Variants in PRKD1 observed in about 807,000 individuals in gnomAD.
The protein encoded by PRKD1 is serine/threonine-protein kinase D1.
In PRKD1, 63 loss-of-function variants were observed where a neutral mutation model predicts 95.9. That is an observed-to-expected ratio of 0.66 (90% CI 0.54 to 0.81). The LOEUF (loss-of-function observed/expected upper bound fraction) is 0.81, where lower values mean the gene tolerates loss of function less well. PRKD1 is among the 30% of genes least tolerant of loss of function. The pLI is 0.00. For synonymous variants in PRKD1, 425 were observed against 423.1 expected (o/e 1.00, Z -0.05); for missense variants, 1,048 against 1,165.3 (o/e 0.90, Z 1.47).
At chr14:29,578,170 G>T in intron 17 of PRKD1, 105 bp downstream of exon 17, 1 of 866,402 alleles carries the variant, frequency 1.2e-6, no homozygotes, top group Non-Finnish European at 1.8e-6. Flanking sequence ...ATTGATATTA[G>T]AATAATCACA....
At chr14:29,923,711 A>G (rs1162405443) in intron 1 of PRKD1, among the ~76,000 whole-genome samples, 1 of 151,856 alleles carries the variant, frequency 6.6e-6, no homozygotes, top group Non-Finnish European at 1.5e-5. Flanking sequence ...TACATTTAAG[A>G]GTAAAATATC....
chr14:29,631,126 C>T (rs1879980173), intron 9 of PRKD1, 105 bp from the exon 10 acceptor site: 1 of 1,092,356 alleles, frequency 9.2e-7, no homozygotes, highest in African/African-American at 1.6e-5. Context: ...AAATAGCCAC[C>T]ATTTAAATAA....
At chr14:29,636,862 C>T (rs1880418628) in intron 6 of PRKD1, among the ~76,000 whole-genome samples, 1 of 152,122 alleles carries the variant, frequency 6.6e-6, no homozygotes, top group African/African-American at 2.4e-5. Flanking sequence ...TAAGTGAGAA[C>T]ATGTGGTATT....
intron 1 of PRKD1, among the ~76,000 whole-genome samples, chr14:29,891,879 ATAATC>A (rs1228470142): frequency 6.6e-6 from 1 of 152,188 alleles, no homozygotes; most frequent in Non-Finnish European, 1.5e-5. Flanking sequence ...ACACACCAAA[ATAATC>A]TAATCTAAAT....
At chr14:29,671,772 G>A (rs1170035223) in intron 2 of PRKD1, among the ~76,000 whole-genome samples, 1 of 152,102 alleles carries the variant, frequency 6.6e-6, no homozygotes, top group African/African-American at 2.4e-5. Flanking sequence ...CTAACAGAAT[G>A]TTGTTTGCTT....
At chr14:29,927,006 G>A (rs1895324052) in intron 1 of PRKD1, among the ~76,000 whole-genome samples, 1 of 152,056 alleles carries the variant, frequency 6.6e-6, no homozygotes, top group African/African-American at 2.4e-5. Flanking sequence ...GTGAGGAGGC[G>A]GCGGACTGGA....
intron 13 of PRKD1, among the ~76,000 whole-genome samples, chr14:29,621,586 C>A (rs540584417): frequency 6.6e-6 from 1 of 152,182 alleles, no homozygotes; most frequent in Non-Finnish European, 1.5e-5. Flanking sequence ...TTAAACCAAG[C>A]CTAGACATGA....
chr14:29,685,004 T>C (rs1256584738), intron 2 of PRKD1, among the ~76,000 whole-genome samples: 4 of 152,194 alleles, frequency 2.6e-5, no homozygotes, highest in African/African-American at 9.7e-5. Flanking sequence ...ACTATTATTA[T>C]TGTTTGTAGG....
rs550195408 is a variant in PRKD1, at chr14:29,816,752, T to C, written c.265-91078A>G. 1.3e-4 allele frequency among the ~76,000 whole-genome samples: 20 copies of C among 152,320 alleles called. No homozygotes were observed. In the East Asian group the frequency reaches 2.3e-3, roughly 18 times the overall value. On this transcript the variant is annotated intron_variant, in intron 1 of 17. Coordinates refer to ENST00000331968, the MANE Select transcript of PRKD1 (RefSeq NM_002742.3). ...TTATATTTCAATGGATTGTAAAAGC[T>C]GTCATCCAGGATATTGTGTCCTCAA...
chr14:29,606,992 C>A lies in PRKD1; in HGVS notation c.1906-7175G>T, dbSNP rs541974760. ...GTTATCTAAACTCTCTGAGGTGCTT[C>A]CAAATCTTATGTAAAATAGGATGAT... On this transcript the variant is annotated intron_variant, in intron 13 of 17. Coordinates refer to ENST00000331968, the MANE Select transcript of PRKD1 (RefSeq NM_002742.3). Among the ~76,000 whole-genome samples, 22 of 152,252 alleles carry A rather than the reference C, an allele frequency of 1.4e-4. 1 individual carries two copies. Among genetic ancestry groups the A allele is most frequent in the Admixed American group, 1.1e-3 (17 of 15,292 alleles).
chr14:29,706,624 A>C (rs2139342799), intron 2 of PRKD1, among the ~76,000 whole-genome samples: 1 of 151,520 alleles, frequency 6.6e-6, no homozygotes, highest in African/African-American at 2.4e-5. Context: ...ACCAGGGATA[A>C]TAATAACAAC....
In PRKD1 at chr14:29,719,162, T is replaced by A. The variant is rs550739080; in HGVS notation, c.403+6374A>T. 8.9e-4 allele frequency among the ~76,000 whole-genome samples: 135 copies of A among 152,280 alleles called. 1 individual carries two copies. The highest frequency in any genetic ancestry group is 2.7e-3 in the African/African-American group (112 of 41,574). The stretch of plus-strand genomic sequence containing the variant: ...GGAGTAAAACATGCTTATAAGGATT[T>A]CTTAAATATAGTGACCCTAAGACAC... On this transcript the variant is annotated intron_variant, in intron 2 of 17. Transcript: ENST00000331968.
intron 1 of PRKD1, among the ~76,000 whole-genome samples, chr14:29,846,433 A>C (rs1892080803): frequency 6.6e-6 from 1 of 152,184 alleles, no homozygotes. Flanking sequence ...ATCCAGGAGA[A>C]GGCCACTCCA....
chr14:29,805,075 T>C (rs573832966), intron 1 of PRKD1, among the ~76,000 whole-genome samples: 1 of 152,354 alleles, frequency 6.6e-6, no homozygotes, highest in South Asian at 2.1e-4. Context: ...TTAATAGCCT[T>C]AAGAATAACA....
rs571901788 is a variant in PRKD1 at position 29,815,945 on chromosome 14, C to T, written c.265-90271G>A. Among the ~76,000 whole-genome samples the T allele has an allele frequency of 9.4e-4, 143 of 152,216 alleles. 1 individual carries two copies. Among genetic ancestry groups the T allele is most frequent in the Middle Eastern group, 3.4e-3 (1 of 294 alleles). Reference sequence around the variant, plus strand: ...AACAACTTAGTCATATCAGGCCGGGCGCGGTGGCTCACACCTGTAATCCCA... The same window carrying T: ...AACAACTTAGTCATATCAGGCCGGGTGCGGTGGCTCACACCTGTAATCCCA... On this transcript the variant is annotated intron_variant, in intron 1 of 17. Coordinates refer to ENST00000331968, the MANE Select transcript of PRKD1 (RefSeq NM_002742.3).
chr14:29,797,379 G>A (rs1032137213), intron 1 of PRKD1, among the ~76,000 whole-genome samples: 2 of 152,134 alleles, frequency 1.3e-5, no homozygotes, highest in African/African-American at 4.8e-5. Flanking sequence ...TAGTAATTGT[G>A]TTATTATCTG....
chr14:29,660,904 A>G (rs1160062281), intron 4 of PRKD1, among the ~76,000 whole-genome samples: 1 of 151,806 alleles, frequency 6.6e-6, no homozygotes, highest in Non-Finnish European at 1.5e-5. Context: ...TCCTTCTAAT[A>G]CTGATGATAG....
chr14:29,689,678 G>A (rs1033042865), intron 2 of PRKD1, among the ~76,000 whole-genome samples: 1 of 152,138 alleles, frequency 6.6e-6, no homozygotes, highest in East Asian at 1.9e-4. Context: ...GGACGTGTAT[G>A]TTCATTGCAG....
chr14:29,622,403 T>TCCTTCC (rs1566492900), intron 13 of PRKD1, among the ~76,000 whole-genome samples: 2 of 130,752 alleles, frequency 1.5e-5, no homozygotes, highest in African/African-American at 5.2e-5. Context: ...CTTCCTTCTG[T>TCCTTCC]TTTTATTATT....
Sources: gnomAD v4.1 joint callset for allele counts (sites outside exome capture counted in the v4.1 genomes callset) on GRCh38, gnomAD v4.1.1 for gene constraint, MANE v1.5 for transcripts, NCBI Gene and HGNC (gene_info 2026-07-23, HGNC 2026-07-21) for gene names.